Variants in MAGI2 observed in about 807,000 individuals in gnomAD.
The protein encoded by MAGI2 is membrane-associated guanylate kinase, WW and PDZ domain-containing protein 2.
Under a neutral mutation model 133.3 loss-of-function variants are expected in MAGI2, and 35 were observed. The ratio of observed to expected loss-of-function variants is 0.26; its 90% CI spans 0.20 to 0.35. The LOEUF is 0.35. Ranked by LOEUF, MAGI2 falls within the 10% of genes least tolerant of loss-of-function variation. The pLI is 1.00. For synonymous variants in MAGI2, 729 were observed against 710.6 expected, an observed-to-expected ratio of 1.03 and a Z score of -0.41; for missense variants, 1,636 against 1,863.4, an observed-to-expected ratio of 0.88 and a Z score of 2.25.
At chr7:78,631,611 A>G (rs1809011653) in intron 2 of MAGI2, among the ~76,000 whole-genome samples, 1 of 152,058 alleles carries the variant, frequency 6.6e-6, no homozygotes, top group Non-Finnish European at 1.5e-5. Flanking sequence ...ATAAAGCACA[A>G]CTCTCATGGT....
At chr7:78,983,895 T>C (rs1397646259) in intron 2 of MAGI2, among the ~76,000 whole-genome samples, 1 of 151,952 alleles carries the variant, frequency 6.6e-6, no homozygotes, top group Non-Finnish European at 1.5e-5. Context: ...TATTACTCAA[T>C]GGTGATGTCT....
chr7:78,320,341 A>T (rs1413937809), intron 9 of MAGI2, among the ~76,000 whole-genome samples: 1 of 152,186 alleles, frequency 6.6e-6, no homozygotes, highest in Non-Finnish European at 1.5e-5. Context: ...TCAGGCCAAT[A>T]TCCCTGATGA....
chr7:78,643,399 A>C (rs1810511245), intron 2 of MAGI2, among the ~76,000 whole-genome samples: 2 of 152,198 alleles, frequency 1.3e-5, no homozygotes, highest in Non-Finnish European at 2.9e-5. Context: ...GAAATGATAA[A>C]ATATTAATAA....
At chr7:78,922,815 T>G (rs578233566) in intron 2 of MAGI2, among the ~76,000 whole-genome samples, 392 of 150,666 alleles carry the variant, frequency 2.6e-3, no homozygotes, top group African/African-American at 8.3e-3. Context: ...ACCAACAGTG[T>G]AAAAGTGTTC....
intron 1 of MAGI2, among the ~76,000 whole-genome samples, chr7:79,308,278 C>A (rs1475313629): frequency 6.6e-6 from 1 of 152,124 alleles, no homozygotes; most frequent in Admixed American, 6.6e-5. Context: ...ATTCCCACTG[C>A]TCTTATGAAA....
intron 3 of MAGI2, among the ~76,000 whole-genome samples, chr7:78,531,619 G>C (rs895601183): frequency 6.6e-6 from 1 of 152,018 alleles, no homozygotes; most frequent in African/African-American, 2.4e-5. Context: ...TTTATAAATG[G>C]GCATTTGTAC....
At chr7:78,573,201 T>TAC (rs1287276767) in intron 3 of MAGI2, among the ~76,000 whole-genome samples, 2 of 87,738 alleles carry the variant, frequency 2.3e-5, no homozygotes, top group Non-Finnish European at 4.1e-5. Context: ...TATATATATA[T>TAC]ATAAATATAT....
In MAGI2 at chr7:78,266,565, G is replaced by T. The variant is rs145877535; in HGVS notation, c.1409-9984C>A. Among the ~76,000 whole-genome samples the T allele has an allele frequency of 2.0e-4, 29 of 148,324 alleles. No homozygotes were observed. The East Asian group carries it at 5.8e-3, about 29-fold the overall frequency. On this transcript the variant is annotated intron_variant, in intron 9 of 21. Coordinates refer to ENST00000354212, the MANE Select transcript of MAGI2 (RefSeq NM_012301.4). ...TTTCTGATACCATGAAATTGACGTA[G>T]AAGAGGGGGAAAAAATCCCTTTTTT... is the stretch of plus-strand genomic sequence containing the variant.
chr7:78,876,245 C>A (rs1309775570), intron 2 of MAGI2, among the ~76,000 whole-genome samples: 1 of 141,634 alleles, frequency 7.1e-6, no homozygotes, highest in Admixed American at 7.6e-5. Flanking sequence ...CTGCTTGAAC[C>A]CAGGAGGTGG....
intron 3 of MAGI2, among the ~76,000 whole-genome samples, chr7:78,555,915 A>G (rs1364430934): frequency 1.3e-5 from 2 of 152,214 alleles, no homozygotes; most frequent in Admixed American, 6.5e-5. Context: ...TGAAGTCTCA[A>G]ATACTAAAAG....
intron 7 of MAGI2, chr7:78,358,647 G>T: frequency 5.0e-6 from 1 of 198,198 alleles, no homozygotes; most frequent in South Asian, 8.4e-5. Context: ...TAGGTTGTAC[G>T]ACTGAAGCCT....
At chr7:78,153,830 A>G (rs1020557942) in intron 16 of MAGI2, among the ~76,000 whole-genome samples, 8 of 152,220 alleles carry the variant, frequency 5.3e-5, no homozygotes, top group African/African-American at 7.2e-5. Context: ...TATATTTTAA[A>G]TGACAAAAGG....
At chr7:78,444,643 T>C (rs960265261) in intron 6 of MAGI2, among the ~76,000 whole-genome samples, 4 of 152,008 alleles carry the variant, frequency 2.6e-5, no homozygotes, top group Non-Finnish European at 4.4e-5. Flanking sequence ...ATAAAAATTG[T>C]TTCATAATAT....
At chr7:78,932,476 T>C (rs17505) in intron 2 of MAGI2, among the ~76,000 whole-genome samples, 68,632 of 151,504 alleles carry the variant, frequency 0.45, 16,664 homozygotes, top group African/African-American at 0.63. Flanking sequence ...ATTGAAGTTC[T>C]GTACTGAAGG....
intron 6 of MAGI2, among the ~76,000 whole-genome samples, chr7:78,378,631 T>G (rs138674756): frequency 2.2e-3 from 338 of 152,170 alleles, no homozygotes; most frequent in Non-Finnish European, 3.5e-3. Context: ...AGCCAAATTG[T>G]ACTTCAAGTA....
chr7:78,461,092 C>T (rs1458481914), intron 6 of MAGI2, among the ~76,000 whole-genome samples: 1 of 151,930 alleles, frequency 6.6e-6, no homozygotes, highest in Non-Finnish European at 1.5e-5. Context: ...TTTTTTTAAT[C>T]TCTTTTACCA....
In MAGI2 at chr7:78,521,564, G is replaced by T; in HGVS notation, c.620C>A (p.Ala207Asp). Residue 207 changes from alanine to aspartate, a missense_variant, in exon 4 of 22, where the codon GCC (alanine) becomes GAC (aspartate). Ala to Asp is a moderately radical substitution (Grantham distance 126, BLOSUM62 -2). Transcript: ENST00000354212. Reference protein sequence around the residue: ...LNVTDQILPGATPSAEGKRKR... With the variant: ...LNVTDQILPGDTPSAEGKRKR... ...CCGTTTTCCTTCAGCACTTGGAGTG[G>T]CTCCTGGAAGTATCTGGTCTGTTAC... is the stretch of plus-strand genomic sequence containing the variant. The T allele has an allele frequency of 6.2e-7, 1 of 1,614,066 alleles. No individual in the cohort carries two copies.
chr7:78,741,346 T>C (rs1236822566), intron 2 of MAGI2, among the ~76,000 whole-genome samples: 1 of 147,646 alleles, frequency 6.8e-6, no homozygotes, highest in East Asian at 2.0e-4. Context: ...CAGAGAGGCC[T>C]GTTTTGGAGG....
chr7:79,234,806 T>C (rs1401853560), intron 1 of MAGI2, among the ~76,000 whole-genome samples: 1 of 151,376 alleles, frequency 6.6e-6, no homozygotes, highest in Non-Finnish European at 1.5e-5. Context: ...TCAAAGTCAT[T>C]CTCCATCCAG....
Sources: allele counts gnomAD v4.1 joint callset (sites outside exome capture counted in the v4.1 genomes callset), GRCh38; gene constraint gnomAD v4.1.1; transcripts MANE v1.5; gene names NCBI Gene and HGNC (gene_info 2026-07-23, HGNC 2026-07-21).